Variants in RIMS1 observed in about 807,000 individuals in gnomAD.
RIMS1 encodes regulating synaptic membrane exocytosis 1.
In RIMS1, 83 loss-of-function variants were observed where a neutral mutation model predicts 214.1. The ratio of observed to expected loss-of-function variants is 0.39; its 90% CI spans 0.32 to 0.47. The LOEUF (loss-of-function observed/expected upper bound fraction) is 0.47. RIMS1 is among the 20% of genes least tolerant of loss of function. RIMS1 has a pLI of 0.99. For missense variants in RIMS1, 2,050 were observed against 2,161.8 expected (o/e 0.95, Z 1.03); for synonymous variants, 793 against 786.8 (o/e 1.01, Z -0.13).
intron 27 of RIMS1, among the ~76,000 whole-genome samples, chr6:72,312,105 A>G (rs1242119007): frequency 1.3e-5 from 2 of 152,214 alleles, no homozygotes; most frequent in African/African-American, 2.4e-5. Context: ...TTTAGTACCT[A>G]TAAATCCAGG....
At chr6:71,973,087 T>G (rs1796271357) in intron 2 of RIMS1, among the ~76,000 whole-genome samples, 1 of 152,140 alleles carries the variant, frequency 6.6e-6, no homozygotes, top group African/African-American at 2.4e-5. Flanking sequence ...TTTTTGTATT[T>G]TTAGTAGAGA....
intron 1 of RIMS1, among the ~76,000 whole-genome samples, chr6:71,925,901 T>A (rs375945544): frequency 6.6e-6 from 1 of 152,318 alleles, no homozygotes; most frequent in East Asian, 1.9e-4. Flanking sequence ...ACAAGAAATG[T>A]TTTTACTGAA....
intron 6 of RIMS1, among the ~76,000 whole-genome samples, chr6:72,198,694 G>T (rs192170157): frequency 6.6e-6 from 1 of 151,884 alleles, no homozygotes; most frequent in East Asian, 1.9e-4. Flanking sequence ...ATAAATACGT[G>T]AGATAATGGA....
intron 24 of RIMS1, among the ~76,000 whole-genome samples, chr6:72,284,357 T>A (rs1443401794): frequency 2.6e-5 from 4 of 152,202 alleles, no homozygotes; most frequent in Non-Finnish European, 1.5e-5. Context: ...CTCTTAGTGA[T>A]CATTCTGATT....
At chr6:72,260,843 T>C in intron 19 of RIMS1, 76 bp downstream of exon 19, 1 of 1,569,902 alleles carries the variant, frequency 6.4e-7, no homozygotes, top group Non-Finnish European at 8.7e-7. Flanking sequence ...CGTCTCTCCC[T>C]TAGTGGTATT....
Position 72,304,771 on chromosome 6 carries a change from TA to T in RIMS1, c.3851-2480del, listed in dbSNP as rs369792449. On this transcript the variant is annotated intron_variant, in intron 26 of 33. Coordinates refer to ENST00000521978, the MANE Select transcript of RIMS1 (RefSeq NM_014989.7). Reference sequence around the variant, plus strand: ...GTCATTGGGAAATAATGAAAAGTACTAAAAAAAGTGTGTGATATTATGTAAT... The same window carrying T: ...GTCATTGGGAAATAATGAAAAGTACTAAAAAAGTGTGTGATATTATGTAAT... Among the ~76,000 whole-genome samples the T allele has an allele frequency of 6.8e-3, 1,035 of 151,986 alleles. 14 individuals are homozygous for T. The highest frequency in any genetic ancestry group is 0.024 in the African/African-American group (989 of 41,530).
chr6:72,173,210 A>G (rs2047256351), intron 4 of RIMS1, among the ~76,000 whole-genome samples: 1 of 151,732 alleles, frequency 6.6e-6, no homozygotes, highest in Non-Finnish European at 1.5e-5. Flanking sequence ...ATACCATTCT[A>G]TTTCCTATTC....
chr6:72,195,591 G>A (rs1297979221), intron 6 of RIMS1, among the ~76,000 whole-genome samples: 1 of 151,960 alleles, frequency 6.6e-6, no homozygotes, highest in Non-Finnish European at 1.5e-5. Context: ...GGAGAATCGG[G>A]AACTCTTATA....
intron 22 of RIMS1, among the ~76,000 whole-genome samples, chr6:72,268,407 A>C (rs575605749): frequency 1.3e-5 from 2 of 152,308 alleles, no homozygotes; most frequent in East Asian, 3.9e-4. Context: ...TTAATTTTAT[A>C]TTCTTAAGAG....
intron 2 of RIMS1, among the ~76,000 whole-genome samples, chr6:72,018,353 A>C (rs372522559): frequency 6.6e-6 from 1 of 152,176 alleles, no homozygotes; most frequent in African/African-American, 2.4e-5. Context: ...GTTTCCATTT[A>C]CTGAGATGGG....
At chr6:72,003,848 T>G (rs187884768) in intron 2 of RIMS1, among the ~76,000 whole-genome samples, 67 of 152,038 alleles carry the variant, frequency 4.4e-4, no homozygotes, top group African/African-American at 1.6e-3. Context: ...ATTTTTCTTT[T>G]TTTTTCGATT....
At chr6:72,244,192 G>A (rs1028448353) in intron 10 of RIMS1, among the ~76,000 whole-genome samples, 2 of 151,620 alleles carry the variant, frequency 1.3e-5, no homozygotes, top group African/African-American at 4.8e-5. Flanking sequence ...TTGAGGTATT[G>A]ACTTTTTTTG....
intron 29 of RIMS1, among the ~76,000 whole-genome samples, chr6:72,361,096 C>CTTTTTTTTTTTTTTTTTT (rs70994124): frequency 1.8e-5 from 1 of 54,388 alleles, no homozygotes; most frequent in Non-Finnish European, 3.4e-5. Flanking sequence ...GTCTTTCTTT[C>CTTTTTTTTTTTTTTTTTT]TTTTTTTTTT....
intron 29 of RIMS1, among the ~76,000 whole-genome samples, chr6:72,380,222 G>A (rs1249934811): frequency 1.3e-5 from 2 of 152,142 alleles, no homozygotes; most frequent in African/African-American, 4.8e-5. Context: ...ACAGGGTGGG[G>A]AACGTCACAC....
At chr6:72,298,484 C>CT (rs2094313308) in intron 26 of RIMS1, among the ~76,000 whole-genome samples, 1 of 151,994 alleles carries the variant, frequency 6.6e-6, no homozygotes, top group Non-Finnish European at 1.5e-5. Context: ...CCACTTTGCT[C>CT]TGTAGACTCT....
chr6:72,181,011 T>C (rs1209397092), intron 5 of RIMS1, among the ~76,000 whole-genome samples: 1 of 152,198 alleles, frequency 6.6e-6, no homozygotes, highest in Non-Finnish European at 1.5e-5. Context: ...CCAGTAGTCA[T>C]TGTGTATTTA....
At chr6:71,938,448 G>A (rs928995008) in intron 1 of RIMS1, among the ~76,000 whole-genome samples, 13 of 152,162 alleles carry the variant, frequency 8.5e-5, no homozygotes, top group South Asian at 2.1e-4. Flanking sequence ...ATTCTTTGAC[G>A]TCTATGTAGA....
intron 20 of RIMS1, 112 bp from the exon 21 acceptor site, chr6:72,265,278 A>G (rs1031756301): frequency 4.5e-6 from 3 of 663,568 alleles, no homozygotes; most frequent in Admixed American, 3.0e-5. Context: ...AATGACATCT[A>G]CTAACTCAAA....
chr6:71,980,513 C>A (rs1373564925), intron 2 of RIMS1, among the ~76,000 whole-genome samples: 2 of 152,000 alleles, frequency 1.3e-5, no homozygotes, highest in Non-Finnish European at 2.9e-5. Context: ...GAATACAAAC[C>A]TGTGAAAGGC....
Sources: gnomAD v4.1 joint callset for allele counts (sites outside exome capture counted in the v4.1 genomes callset) on GRCh38, gnomAD v4.1.1 for gene constraint, MANE v1.5 for transcripts, NCBI Gene and HGNC (gene_info 2026-07-23, HGNC 2026-07-21) for gene names.